Variants in PAPPA observed in about 807,000 individuals in gnomAD.
PAPPA encodes the protein pappalysin 1, also known as pappalysin-1.
PAPPA carries 60 observed loss-of-function variants against 164.0 expected under a neutral mutation model. The ratio of observed to expected loss-of-function variants is 0.37; its 90% CI spans 0.30 to 0.45. The LOEUF (loss-of-function observed/expected upper bound fraction) is 0.45. PAPPA is among the 20% of genes least tolerant of loss of function. PAPPA has a pLI of 1.00. For synonymous variants in PAPPA, 875 were observed against 814.1 expected (o/e 1.07, Z -1.27); for missense variants, 1,782 against 2,087.3 (o/e 0.85, Z 2.85).
At chr9:116,294,523 TAA>T (rs1264702936) in intron 9 of PAPPA, among the ~76,000 whole-genome samples, 4 of 152,188 alleles carry the variant, frequency 2.6e-5, no homozygotes, top group African/African-American at 9.6e-5. Flanking sequence ...ATAGGCTATA[TAA>T]AGTCAAGATA....
intron 19 of PAPPA, among the ~76,000 whole-genome samples, chr9:116,370,003 G>A (rs1415230477): frequency 6.6e-6 from 1 of 152,280 alleles, no homozygotes; most frequent in East Asian, 1.9e-4. Context: ...TGCCCCTTGT[G>A]CGGTGAGAGC....
rs1846978620 is a variant in PAPPA, at chr9:116,397,347, T to C, written c.*731T>C. 6.6e-6 allele frequency: 1 copy of C among 152,652 alleles called. No individual in the cohort carries two copies. The highest frequency in any genetic ancestry group is 1.5e-5 in the Non-Finnish European group (1 of 68,082). 9.5% of individuals were successfully genotyped at this position (152,652 alleles called of 1,614,324 possible). On this transcript the variant is annotated 3_prime_UTR_variant, in exon 22 of 22. Coordinates refer to ENST00000328252, the MANE Select transcript of PAPPA (RefSeq NM_002581.5). Reference sequence around the variant, plus strand: ...GGCCAATCTGAGAATGGCTTAGGATTGCAATGTCAAGGTATTATATCAGCC... The same window carrying C: ...GGCCAATCTGAGAATGGCTTAGGATCGCAATGTCAAGGTATTATATCAGCC...
At chr9:116,174,611 A>G (rs994542534) in intron 1 of PAPPA, among the ~76,000 whole-genome samples, 7 of 152,216 alleles carry the variant, frequency 4.6e-5, no homozygotes, top group African/African-American at 1.7e-4. Context: ...CTCACCTGTT[A>G]GACACAGTTG....
chr9:116,298,000 G>T (rs1307111262), intron 9 of PAPPA, among the ~76,000 whole-genome samples: 1 of 152,212 alleles, frequency 6.6e-6, no homozygotes, highest in Non-Finnish European at 1.5e-5. Flanking sequence ...AATAATCAGA[G>T]ATAGATCAAG....
intron 11 of PAPPA, among the ~76,000 whole-genome samples, chr9:116,332,034 AT>A (rs923015701): frequency 1.1e-4 from 16 of 150,794 alleles, no homozygotes; most frequent in African/African-American, 3.2e-4. Flanking sequence ...TGATTTTTTT[AT>A]TTTTTTTTAA....
chr9:116,248,773 A>G (rs1844826503), intron 7 of PAPPA, among the ~76,000 whole-genome samples: 1 of 152,248 alleles, frequency 6.6e-6, no homozygotes, highest in Non-Finnish European at 1.5e-5. Context: ...TGGTCAATAA[A>G]TACAGATAAA....
chr9:116,384,756 A>C (rs1846783397), intron 21 of PAPPA, among the ~76,000 whole-genome samples: 1 of 152,196 alleles, frequency 6.6e-6, no homozygotes, highest in South Asian at 2.1e-4. Context: ...TTCCAAATGA[A>C]TATAGTGAAC....
chr9:116,263,246 C>A (rs926721194), intron 7 of PAPPA, among the ~76,000 whole-genome samples: 3 of 152,104 alleles, frequency 2.0e-5, no homozygotes, highest in African/African-American at 7.2e-5. Context: ...GGTGGGTAGA[C>A]GTTACAGGGA....
intron 19 of PAPPA, among the ~76,000 whole-genome samples, chr9:116,376,803 A>G (rs146365031): frequency 6.6e-6 from 1 of 152,282 alleles, no homozygotes; most frequent in Non-Finnish European, 1.5e-5. Flanking sequence ...GAAGGGGAAG[A>G]GCAAGAACGA....
At chr9:116,158,602 C>T (rs1843630028) in intron 1 of PAPPA, among the ~76,000 whole-genome samples, 1 of 152,214 alleles carries the variant, frequency 6.6e-6, no homozygotes, top group African/African-American at 2.4e-5. Context: ...GTACTTAAAA[C>T]TGGACTTGGT....
chr9:116,307,649 A>G (rs1273710580), intron 10 of PAPPA, among the ~76,000 whole-genome samples: 1 of 152,224 alleles, frequency 6.6e-6, no homozygotes, highest in East Asian at 1.9e-4. Context: ...ACCTTGTAAT[A>G]TAACAATTTA....
At chr9:116,285,167 C>T (rs370162234) in intron 9 of PAPPA, among the ~76,000 whole-genome samples, 24 of 90,026 alleles carry the variant, frequency 2.7e-4, no homozygotes, top group African/African-American at 3.9e-4. Context: ...TCTTTTCTTT[C>T]TTTCTTTTTT....
intron 1 of PAPPA, among the ~76,000 whole-genome samples, chr9:116,166,905 G>GC (rs1162062165): frequency 5.3e-5 from 8 of 152,142 alleles, no homozygotes; most frequent in Admixed American, 3.9e-4. Flanking sequence ...GAATGGTGGT[G>GC]CCCCCCAGTG....
Position 116,377,623 on chromosome 9 carries a change from G to A in PAPPA, c.4653G>A (p.Leu1551=). The change falls in exon 20 of 22, where the codon CTG becomes CTA. Residue 1551 remains leucine, a synonymous_variant. Transcript: ENST00000328252. ...AGLKWYPHPA[L]IHCVKGCEPF... is the part of the protein sequence containing the mutation. ...TCAAGTGGTATCCTCACCCTGCTCT[G>A]ATTCACTGTGTCAAAGGCTGTGAGG... The A allele has an allele frequency of 6.2e-7, 1 of 1,613,786 alleles. No individual in the cohort carries two copies. The highest frequency in any genetic ancestry group is 1.1e-5 in the South Asian group (1 of 91,062).
Position 116,362,554 on chromosome 9 carries a change from GTC to G in PAPPA, c.4348-32_4348-31del, listed in dbSNP as rs769541108. ...AATAGCTTATTCAATTGGGGCTGGTGTCTCTCTTGGTCCTAACTCTGTTTCTC... is the reference window on the plus strand; with the variant it reads ...AATAGCTTATTCAATTGGGGCTGGTGTCTCTTGGTCCTAACTCTGTTTCTC... On this transcript the variant is annotated intron_variant, in intron 17 of 21. Coordinates refer to ENST00000328252, the MANE Select transcript of PAPPA (RefSeq NM_002581.5). The G allele has an allele frequency of 5.6e-6, 9 of 1,593,768 alleles. No homozygotes were observed. In the South Asian group the frequency reaches 1.0e-4, roughly 18 times the overall value.
chr9:116,275,243 T>C (rs531456498), intron 9 of PAPPA, among the ~76,000 whole-genome samples: 1 of 152,360 alleles, frequency 6.6e-6, no homozygotes, highest in South Asian at 2.1e-4. Context: ...ATGTGAGATT[T>C]AACCCCATTT....
chr9:116,180,929 A>G (rs1367725283), intron 1 of PAPPA, among the ~76,000 whole-genome samples: 1 of 152,102 alleles, frequency 6.6e-6, no homozygotes, highest in Admixed American at 6.6e-5. Context: ...CAGTTTTCTG[A>G]TCTGTAAATA....
intron 18 of PAPPA, among the ~76,000 whole-genome samples, chr9:116,363,387 A>G (rs1846455515): frequency 6.6e-6 from 1 of 152,204 alleles, no homozygotes; most frequent in African/African-American, 2.4e-5. Context: ...CAAGATGAGC[A>G]TAAACTGCAT....
intron 9 of PAPPA, among the ~76,000 whole-genome samples, chr9:116,285,399 C>A (rs1178320038): frequency 4.6e-5 from 7 of 151,936 alleles, no homozygotes; most frequent in Non-Finnish European, 7.4e-5. Context: ...GATCTCTTGA[C>A]CTTGTGTCCT....
Sources: gnomAD v4.1 joint callset for allele counts (sites outside exome capture counted in the v4.1 genomes callset) on GRCh38, gnomAD v4.1.1 for gene constraint, MANE v1.5 for transcripts, NCBI Gene and HGNC (gene_info 2026-07-23, HGNC 2026-07-21) for gene names.